MAGI1: variants seen among roughly 807,000 people sequenced by gnomAD.
MAGI1 encodes membrane-associated guanylate kinase, WW and PDZ domain-containing protein 1.
In MAGI1, 58 loss-of-function variants were observed where a neutral mutation model predicts 139.9. The ratio of observed to expected loss-of-function variants is 0.41; its 90% CI spans 0.34 to 0.52. The LOEUF (loss-of-function observed/expected upper bound fraction) is 0.52, where lower values mean the gene tolerates loss of function less well. Ranked by LOEUF, MAGI1 falls within the 20% of genes least tolerant of loss-of-function variation. The pLI, the probability that MAGI1 is intolerant of heterozygous loss-of-function variation, is 0.12. For missense variants in MAGI1, 1,874 were observed against 1,901.6 expected (o/e 0.99, Z 0.27); for synonymous variants, 812 against 737.9 (o/e 1.10, Z -1.63).
At chr3:65,779,531 G>C (rs1398551255) in intron 1 of MAGI1, among the ~76,000 whole-genome samples, 1 of 152,200 alleles carries the variant, frequency 6.6e-6, no homozygotes, top group Non-Finnish European at 1.5e-5. Context: ...ACTTTAGAAA[G>C]GTAAAGTTGA....
intron 2 of MAGI1, among the ~76,000 whole-genome samples, chr3:65,560,870 G>A (rs773912266): frequency 1.3e-5 from 2 of 152,288 alleles, no homozygotes; most frequent in Non-Finnish European, 2.9e-5. Context: ...TACTACATTC[G>A]CTAATATGAG....
intron 2 of MAGI1, among the ~76,000 whole-genome samples, chr3:65,552,099 T>C (rs866721017): frequency 6.6e-6 from 1 of 152,208 alleles, no homozygotes; most frequent in South Asian, 2.1e-4. Context: ...ATGGAGTGTC[T>C]GTAGTACACG....
intron 12 of MAGI1, among the ~76,000 whole-genome samples, chr3:65,427,530 T>C (rs536236679): frequency 1.3e-5 from 2 of 151,988 alleles, no homozygotes; most frequent in Non-Finnish European, 2.9e-5. Context: ...GAGAACAAGG[T>C]GGTTTGTGTC....
intron 1 of MAGI1, among the ~76,000 whole-genome samples, chr3:65,801,148 A>C (rs528590339): frequency 1.3e-4 from 20 of 152,358 alleles, no homozygotes; most frequent in Middle Eastern, 6.8e-3. Context: ...ACACAGATCT[A>C]ATGTTTCCAA....
At chr3:66,000,841 T>A (rs1019699216) in intron 1 of MAGI1, among the ~76,000 whole-genome samples, 2 of 152,242 alleles carry the variant, frequency 1.3e-5, no homozygotes, top group African/African-American at 4.8e-5. Context: ...AGCCCACCAA[T>A]TTTAATGAAA....
At chr3:65,890,038 CA>C (rs1328590314) in intron 1 of MAGI1, among the ~76,000 whole-genome samples, 2 of 152,096 alleles carry the variant, frequency 1.3e-5, no homozygotes, top group African/African-American at 2.4e-5. Context: ...TAAAAGTGGG[CA>C]ACCAGTTTTT....
chr3:65,568,318 TC>T (rs2080774778), intron 2 of MAGI1, among the ~76,000 whole-genome samples: 1 of 152,154 alleles, frequency 6.6e-6, no homozygotes, highest in Non-Finnish European at 1.5e-5. Context: ...CTTTTTTTTT[TC>T]TTTTTGGTTG....
At chr3:65,772,334 T>C (rs149589795) in intron 1 of MAGI1, among the ~76,000 whole-genome samples, 261 of 152,282 alleles carry the variant, frequency 1.7e-3, no homozygotes, top group African/African-American at 6.1e-3. Context: ...TGTCAGACCA[T>C]AGAGAAAAGC....
intron 2 of MAGI1, among the ~76,000 whole-genome samples, chr3:65,546,193 A>T (rs1308919967): frequency 1.3e-5 from 2 of 152,140 alleles, no homozygotes; most frequent in African/African-American, 4.8e-5. Flanking sequence ...GTTGAACAAT[A>T]TTCACTCCTT....
At chr3:65,432,036 C>T (rs1188071572) in intron 10 of MAGI1, among the ~76,000 whole-genome samples, 10 of 151,964 alleles carry the variant, frequency 6.6e-5, no homozygotes, top group African/African-American at 9.7e-5. Context: ...ATAGAGGTAT[C>T]GCTAAATTAT....
rs866642201 is a variant in MAGI1 at position 65,493,768 on chromosome 3, G to T, written c.431-137C>A. On this transcript the variant is annotated intron_variant, in intron 2 of 22. Coordinates refer to ENST00000402939, the MANE Select transcript of MAGI1 (RefSeq NM_001033057.2). ...CTGCTGCCTCATCTGTCCAGACAGG[G>T]ACACAGTAAAGGCAACTTCTTTCTA... 38 of 982,844 alleles carry T rather than the reference G, an allele frequency of 3.9e-5. No homozygotes were observed. In the Middle Eastern group the frequency reaches 3.4e-3, roughly 87 times the overall value. 60.9% of individuals were successfully genotyped at this position (982,844 alleles called of 1,614,324 possible).
chr3:65,979,640 T>G (rs1233312118), intron 1 of MAGI1, among the ~76,000 whole-genome samples: 1 of 152,192 alleles, frequency 6.6e-6, no homozygotes, highest in Non-Finnish European at 1.5e-5. Context: ...GTTTTCAGAA[T>G]GCAGGTCAGG....
intron 1 of MAGI1, among the ~76,000 whole-genome samples, chr3:65,672,545 A>C (rs1244741204): frequency 2.0e-5 from 3 of 152,204 alleles, no homozygotes; most frequent in African/African-American, 7.2e-5. Context: ...GGGTTGTTAA[A>C]GTAAAAATAG....
chr3:65,767,361 T>G (rs1040855256), intron 1 of MAGI1, among the ~76,000 whole-genome samples: 2 of 152,014 alleles, frequency 1.3e-5, no homozygotes, highest in Non-Finnish European at 2.9e-5. Flanking sequence ...TCCCAGCACT[T>G]TGGGAGGCCA....
At chr3:65,950,052 A>AC (rs1181384365) in intron 1 of MAGI1, among the ~76,000 whole-genome samples, 1,552 of 35,366 alleles carry the variant, frequency 0.044, 95 homozygotes, top group African/African-American at 0.083. Context: ...ATCAAAAAAA[A>AC]AAAAAACAAA....
intron 10 of MAGI1, among the ~76,000 whole-genome samples, chr3:65,436,555 A>T (rs1947870048): frequency 6.6e-6 from 1 of 152,230 alleles, no homozygotes; most frequent in African/African-American, 2.4e-5. Flanking sequence ...GGGAATGAGA[A>T]CTGAAAACAC....
intron 1 of MAGI1, among the ~76,000 whole-genome samples, chr3:65,662,179 A>C (rs1320272306): frequency 6.6e-6 from 1 of 152,250 alleles, no homozygotes; most frequent in Non-Finnish European, 1.5e-5. Flanking sequence ...AATAAAAATA[A>C]TCAGAACACT....
chr3:65,645,889 T>TA (rs2085232383), intron 1 of MAGI1, among the ~76,000 whole-genome samples: 1 of 151,284 alleles, frequency 6.6e-6, no homozygotes, highest in African/African-American at 2.4e-5. Flanking sequence ...AAAGCAATAC[T>TA]AAAAAGGCTA....
At position 65,833,462 on chromosome 3, in the gene MAGI1, G is replaced by A. The variant is rs75579271; in HGVS notation, c.313+204534C>T. ...AACACCCATACAATACAATCTCTCC[G>A]GCTTCCCCAGTAGCATCAGAGACCA... On this transcript the variant is annotated intron_variant, in intron 1 of 22. Coordinates refer to ENST00000402939, the MANE Select transcript of MAGI1 (RefSeq NM_001033057.2). 4.3e-3 allele frequency among the ~76,000 whole-genome samples: 647 copies of A among 152,102 alleles called. 8 individuals are homozygous for A. Among genetic ancestry groups the A allele is most frequent in the African/African-American group, 0.015 (624 of 41,472 alleles).
Sources: gnomAD v4.1 joint callset for allele counts (sites outside exome capture counted in the v4.1 genomes callset) on GRCh38, gnomAD v4.1.1 for gene constraint, MANE v1.5 for transcripts, NCBI Gene and HGNC (gene_info 2026-07-23, HGNC 2026-07-21) for gene names.